The following ATL1 variants were observed in gnomAD, a reference collection of about 807,000 sequenced individuals.
ATL1 encodes atlastin-1.
ATL1 carries 31 observed loss-of-function variants against 75.5 expected under a neutral mutation model. That is an observed-to-expected ratio of 0.41 (90% CI 0.31 to 0.55). ATL1 has a LOEUF of 0.55. Ranked by LOEUF, ATL1 falls within the 20% of genes least tolerant of loss-of-function variation. The probability of loss-of-function intolerance (pLI) is 0.27; values close to 1 mark genes in which losing one functional copy is unlikely to be tolerated. For synonymous variants in ATL1, 226 were observed against 233.3 expected, an observed-to-expected ratio of 0.97 and a Z score of 0.28; for missense variants, 405 against 662.6, an observed-to-expected ratio of 0.61 and a Z score of 4.27.
intron 1 of ATL1, among the ~76,000 whole-genome samples, chr14:50,535,495 C>G (rs985570134): frequency 6.6e-6 from 1 of 152,218 alleles, no homozygotes; most frequent in African/African-American, 2.4e-5. Context: ...GTTGACTGCT[C>G]TATAGATCTG....
At chr14:50,541,116 A>C (rs888194992) in intron 1 of ATL1, among the ~76,000 whole-genome samples, 15 of 152,230 alleles carry the variant, frequency 9.9e-5, no homozygotes, top group African/African-American at 3.6e-4. Flanking sequence ...CTTTCTTTTC[A>C]ATTCCCGTCA....
intron 8 of ATL1, 51 bp downstream of exon 8, chr14:50,614,562 A>G (rs781561175): frequency 1.9e-6 from 3 of 1,575,786 alleles, no homozygotes; most frequent in Non-Finnish European, 2.6e-6. Context: ...GATTATAAAA[A>G]TGTCATTTTA....
chr14:50,620,832 C>G (rs1398174595), intron 9 of ATL1, 106 bp downstream of exon 9: 1 of 1,301,528 alleles, frequency 7.7e-7, no homozygotes. Context: ...AGCAAAGGTA[C>G]GAGGAATCTA....
In ATL1 at chr14:50,632,755, A is replaced by C; in HGVS notation, c.*416A>C. On this transcript the variant is annotated 3_prime_UTR_variant, in exon 14 of 14. Coordinates refer to ENST00000358385, the MANE Select transcript of ATL1 (RefSeq NM_015915.5). ...GCCATTTGTTAAAACACAGCATCATAACTCAGCAGGCTGGATTTAATCTGT... is the reference window on the plus strand; with the variant it reads ...GCCATTTGTTAAAACACAGCATCATCACTCAGCAGGCTGGATTTAATCTGT... The C allele has an allele frequency of 5.0e-6, 1 of 198,480 alleles. No individual in the cohort carries two copies. The highest frequency in any genetic ancestry group is 1.0e-5 in the Non-Finnish European group (1 of 95,798). 12.3% of individuals were successfully genotyped at this position (198,480 alleles called of 1,614,324 possible). A position where few individuals can be genotyped will look rare whatever the true frequency, so the allele number is the denominator to read the frequency against.
chr14:50,589,143 TTTTC>T (rs1041877790), intron 2 of ATL1, among the ~76,000 whole-genome samples: 5 of 149,398 alleles, frequency 3.3e-5, no homozygotes, highest in Non-Finnish European at 4.4e-5. Flanking sequence ...ATATTTTTTC[TTTTC>T]TTTCTTTCTT....
chr14:50,542,264 C>T, intron 1 of ATL1, among the ~76,000 whole-genome samples: 1 of 133,164 alleles, frequency 7.5e-6, no homozygotes, highest in South Asian at 2.4e-4. Flanking sequence ...GGGAACATCA[C>T]ACACCGGGGG....
chr14:50,575,026 C>G (rs1002910707), intron 1 of ATL1, among the ~76,000 whole-genome samples: 1 of 143,792 alleles, frequency 7.0e-6, no homozygotes, highest in Admixed American at 7.0e-5. Context: ...TTTTTCCTCT[C>G]TCTCTGGTCC....
At chr14:50,599,266 A>C (rs2039249511) in intron 6 of ATL1, among the ~76,000 whole-genome samples, 1 of 152,220 alleles carries the variant, frequency 6.6e-6, no homozygotes, top group Non-Finnish European at 1.5e-5. Context: ...AAAGAATATT[A>C]ATAGACAAGT....
rs572389905 is a variant in ATL1, at chr14:50,533,480, A to G, written c.-140+113A>G. On this transcript the variant is annotated intron_variant, in intron 1 of 13. Transcript: ENST00000441560. ...AAATACTTAACAATGCACAGCATAT[A>G]TGGAACAGGAGTTCGGGGAAGTAAT... is the stretch of plus-strand genomic sequence containing the variant. 3 of 152,326 alleles carry G rather than the reference A, an allele frequency of 2.0e-5. No homozygotes were observed. The South Asian group carries it at 6.2e-4, about 32-fold the overall frequency. The allele number at this position is 152,326 out of a possible 1,614,324, so 9.4% of individuals were successfully genotyped here.
chr14:50,597,972 G>C (rs1457742928), intron 6 of ATL1, among the ~76,000 whole-genome samples: 1 of 152,170 alleles, frequency 6.6e-6, no homozygotes. Flanking sequence ...TGGGATTACA[G>C]GCGTGAGCCA....
intron 1 of ATL1, among the ~76,000 whole-genome samples, chr14:50,563,615 A>G (rs1039586167): frequency 2.0e-5 from 3 of 152,238 alleles, no homozygotes; most frequent in Non-Finnish European, 2.9e-5. Flanking sequence ...TAAGGAATCT[A>G]AGGACCATAT....
intron 8 of ATL1, among the ~76,000 whole-genome samples, chr14:50,619,786 C>A (rs1358790033): frequency 6.6e-6 from 1 of 152,128 alleles, no homozygotes; most frequent in Non-Finnish European, 1.5e-5. Flanking sequence ...TTGAACTCTG[C>A]AGTCCAGTTA....
In ATL1 at chr14:50,632,438, G is replaced by A. The variant is rs1270849114; in HGVS notation, c.*99G>A. ...TTCAAAGTGCTTCCATCAGAACGGA[G>A]TAAAATACTAAACACCTCTGAAGAC... is the stretch of plus-strand genomic sequence containing the variant. On this transcript the variant is annotated 3_prime_UTR_variant, in exon 14 of 14. Transcript: ENST00000358385. 1.2e-6 allele frequency: 1 copy of A among 839,342 alleles called. No individual in the cohort carries two copies. Among genetic ancestry groups the A allele is most frequent in the Non-Finnish European group, 2.0e-6 (1 of 506,416 alleles). 52.0% of individuals were successfully genotyped at this position (839,342 alleles called of 1,614,324 possible).
chr14:50,611,955 C>T (rs533354812), intron 6 of ATL1, among the ~76,000 whole-genome samples: 43 of 152,066 alleles, frequency 2.8e-4, no homozygotes, highest in Non-Finnish European at 4.9e-4. Context: ...GAGCAGAAGA[C>T]ATATGAATGT....
intron 11 of ATL1, among the ~76,000 whole-genome samples, chr14:50,626,877 A>T (rs1213040542): frequency 1.3e-5 from 2 of 152,180 alleles, no homozygotes; most frequent in Admixed American, 1.3e-4. Flanking sequence ...GTACCCATTA[A>T]TCAACCTCTC....
chr14:50,560,029 A>C, upstream of ATL1: 4 of 584,528 alleles, frequency 6.8e-6, no homozygotes, highest in Middle Eastern at 4.7e-4. Flanking sequence ...TGAGGTAGGG[A>C]GGGTGTGACG....
intron 6 of ATL1, among the ~76,000 whole-genome samples, chr14:50,598,670 A>G (rs537263296): frequency 1.3e-5 from 2 of 152,138 alleles, no homozygotes; most frequent in Non-Finnish European, 2.9e-5. Flanking sequence ...GCCTTAAGTC[A>G]GTTTTTAAGA....
intron 5 of ATL1, among the ~76,000 whole-genome samples, chr14:50,595,013 CA>C (rs1313269945): frequency 4.5e-4 from 57 of 126,814 alleles, no homozygotes; most frequent in African/African-American, 1.8e-3. Flanking sequence ...AAAAAAAAAA[CA>C]AAAAAGAAAA....
At position 50,614,514 on chromosome 14, in the gene ATL1, T is replaced by G. The variant is rs762040115; in HGVS notation, c.862+3T>G. The G allele has an allele frequency of 1.9e-6, 3 of 1,613,580 alleles. No individual in the cohort carries two copies. The African/African-American group carries it at 4.0e-5, about 22-fold the overall frequency. On this transcript the variant is annotated splice_donor_region_variant and intron_variant, in intron 8 of 13. Coordinates refer to ENST00000358385, the MANE Select transcript of ATL1 (RefSeq NM_015915.5). The stretch of plus-strand genomic sequence containing the variant: ...AAACTTTGATGGAAAATTGAAAGGT[T>G]TGTGTCTTTTAATGAATATGTTTGC...
Sources: gnomAD v4.1 joint callset for allele counts (sites outside exome capture counted in the v4.1 genomes callset) on GRCh38, gnomAD v4.1.1 for gene constraint, MANE v1.5 for transcripts, NCBI Gene and HGNC (gene_info 2026-07-23, HGNC 2026-07-21) for gene names.